The following RSBN1L variants were observed in gnomAD, a reference collection of about 807,000 sequenced individuals.
RSBN1L encodes the protein round spermatid basic protein 1 like.
Under a neutral mutation model 67.7 loss-of-function variants are expected in RSBN1L, and 30 were observed. The observed-to-expected ratio is 0.44, with a 90% CI of 0.33 to 0.60. The LOEUF (loss-of-function observed/expected upper bound fraction) is 0.60, where lower values mean the gene tolerates loss of function less well. RSBN1L is among the 20% of genes least tolerant of loss of function. The probability of loss-of-function intolerance (pLI) is 0.02; values close to 1 mark genes in which losing one functional copy is unlikely to be tolerated. For missense variants in RSBN1L, 992 were observed against 1,031.7 expected (o/e 0.96, Z 0.53); for synonymous variants, 433 against 387.0 (o/e 1.12, Z -1.39).
chr7:77,771,511 C>CTTTTT (rs10630112), intron 5 of RSBN1L, among the ~76,000 whole-genome samples: 39 of 136,114 alleles, frequency 2.9e-4, no homozygotes, highest in African/African-American at 1.1e-3. Context: ...CTCAGCGACT[C>CTTTTT]TTTTTTTTTT....
At chr7:77,764,003 G>A (rs1351674875) in intron 3 of RSBN1L, among the ~76,000 whole-genome samples, 1 of 152,170 alleles carries the variant, frequency 6.6e-6, no homozygotes, top group Non-Finnish European at 1.5e-5. Flanking sequence ...AAATGATTTT[G>A]TATGAAAACA....
At chr7:77,761,738 T>C (rs1791699741) in intron 3 of RSBN1L, among the ~76,000 whole-genome samples, 1 of 152,222 alleles carries the variant, frequency 6.6e-6, no homozygotes, top group African/African-American at 2.4e-5. Context: ...TGGTTACAAC[T>C]GATGGATTTG....
At chr7:77,705,510 G>GTTTTT (rs56187940) in intron 1 of RSBN1L, among the ~76,000 whole-genome samples, 3,963 of 111,346 alleles carry the variant, frequency 0.036, 256 homozygotes, top group African/African-American at 0.064. Context: ...CATTGTAATG[G>GTTTTT]TTTTTTTTTT....
intron 3 of RSBN1L, among the ~76,000 whole-genome samples, chr7:77,764,578 A>G (rs1791737890): frequency 6.6e-6 from 1 of 152,138 alleles, no homozygotes; most frequent in Non-Finnish European, 1.5e-5. Flanking sequence ...TAACTGGTAG[A>G]TAGCAAAGGC....
chr7:77,776,335 TCA>T (rs1791914157), intron 6 of RSBN1L, among the ~76,000 whole-genome samples: 1 of 152,232 alleles, frequency 6.6e-6, no homozygotes, highest in South Asian at 2.1e-4. Context: ...TTTAGTATAT[TCA>T]CAGAGTTATG....
intron 1 of RSBN1L, among the ~76,000 whole-genome samples, chr7:77,700,649 CTAAA>C (rs1397407184): frequency 6.6e-6 from 1 of 152,180 alleles, no homozygotes; most frequent in Non-Finnish European, 1.5e-5. Context: ...TATCATATGA[CTAAA>C]TATTTGTCTC....
intron 2 of RSBN1L, among the ~76,000 whole-genome samples, chr7:77,746,598 G>A (rs544731568): frequency 1.4e-3 from 215 of 152,244 alleles, no homozygotes; most frequent in Non-Finnish European, 2.1e-3. Flanking sequence ...GTCATGCCTT[G>A]CCAACAGTCC....
At chr7:77,751,092 G>A (rs547561245) in intron 3 of RSBN1L, among the ~76,000 whole-genome samples, 18 of 152,244 alleles carry the variant, frequency 1.2e-4, no homozygotes, top group African/African-American at 4.1e-4. Context: ...GCCCCCAATA[G>A]TATGAGTATG....
chr7:77,715,419 C>G (rs993483851), intron 1 of RSBN1L, among the ~76,000 whole-genome samples: 4 of 150,942 alleles, frequency 2.7e-5, no homozygotes, highest in Admixed American at 2.0e-4. Flanking sequence ...ATTCTTGTGC[C>G]TCAGCCTCCC....
At chr7:77,699,365 A>C (rs1790783618) in intron 1 of RSBN1L, among the ~76,000 whole-genome samples, 1 of 152,240 alleles carries the variant, frequency 6.6e-6, no homozygotes, top group Admixed American at 6.5e-5. Context: ...TAAACAATTA[A>C]GCTCCTGTAT....
chr7:77,697,013 G>C lies in RSBN1L; in HGVS notation c.544G>C (p.Ala182Pro). ...GLGGAREAGG[A>P]SREENGEVKP... Reference sequence around the variant, plus strand: ...CGGTGGGGCCCGAGAGGCCGGCGGGGCCTCCCGGGAGGAGAACGGGGAGGT... The same window carrying C: ...CGGTGGGGCCCGAGAGGCCGGCGGGCCCTCCCGGGAGGAGAACGGGGAGGT... Residue 182 changes from alanine to proline, a missense_variant, in exon 1 of 8, where the codon GCC becomes CCC. Coordinates refer to ENST00000334955, the MANE Select transcript of RSBN1L (RefSeq NM_198467.3). The C allele has an allele frequency of 6.5e-7, 1 of 1,528,664 alleles. No homozygotes were observed. 94.7% of individuals were successfully genotyped at this position (1,528,664 alleles called of 1,614,324 possible).
intron 1 of RSBN1L, among the ~76,000 whole-genome samples, chr7:77,714,684 C>T (rs544089679): frequency 4.6e-5 from 7 of 152,062 alleles, no homozygotes; most frequent in African/African-American, 1.2e-4. Context: ...AGTGGGTGGC[C>T]GGGCACGGTG....
intron 1 of RSBN1L, among the ~76,000 whole-genome samples, chr7:77,708,915 A>T (rs1790930607): frequency 6.6e-6 from 1 of 152,198 alleles, no homozygotes. Flanking sequence ...GAAATATATG[A>T]TAAAGCATCT....
intron 4 of RSBN1L, among the ~76,000 whole-genome samples, chr7:77,768,038 G>A (rs571127789): frequency 3.6e-4 from 54 of 150,658 alleles, no homozygotes; most frequent in Middle Eastern, 3.4e-3. Context: ...TTGTAGAGAC[G>A]GGGTTTCACC....
Position 77,742,180 on chromosome 7 carries a change from A to ATACACACACAC in RSBN1L, c.703+5654_703+5655insTACACACACAC, listed in dbSNP as rs60910312. On this transcript the variant is annotated intron_variant, in intron 2 of 7. Coordinates refer to ENST00000334955, the MANE Select transcript of RSBN1L (RefSeq NM_198467.3). ...ACCCATCTTTAAAAAAAAAAAAAAA[A>ATACACACACAC]ATACACACACACACACACACACACA... is the stretch of plus-strand genomic sequence containing the variant. Among the ~76,000 whole-genome samples the ATACACACACAC allele has an allele frequency of 4.1e-3, 339 of 82,154 alleles. 3 individuals carry two copies. The highest frequency in any genetic ancestry group is 0.017 in the South Asian group (37 of 2,170). 53.9% of individuals were successfully genotyped at this position (82,154 alleles called of 152,430 possible).
chr7:77,758,209 A>G (rs867334934), intron 3 of RSBN1L, among the ~76,000 whole-genome samples: 2 of 152,018 alleles, frequency 1.3e-5, no homozygotes, highest in South Asian at 4.1e-4. Flanking sequence ...TCCAGGATGG[A>G]GTGCAGTGGT....
chr7:77,749,768 C>G lies in RSBN1L; in HGVS notation c.1048C>G (p.His350Asp), dbSNP rs760296492. 3.1e-6 allele frequency: 5 copies of G among 1,614,030 alleles called. No homozygotes were observed. The highest frequency in any genetic ancestry group is 4.2e-6 in the Non-Finnish European group (5 of 1,180,012). Residue 350 changes from histidine (H) to aspartate (D), a missense_variant, in exon 3 of 8, where the codon CAT (histidine) becomes GAT (aspartate). Around this residue, in one of 7 missense-constraint regions of RSBN1L, gnomAD observed 575 missense variants for 483.2 expected, o/e 1.19. Transcript: ENST00000334955. Reference sequence around the variant, plus strand: ...CACTTTGGAATTTAAACAACTCATTCATATAGAGCACCAGCCTAATGGAGG... The same window carrying G: ...CACTTTGGAATTTAAACAACTCATTGATATAGAGCACCAGCCTAATGGAGG... ...LDTLEFKQLI[H>D]IEHQPNGGAS...
Position 77,749,626 on chromosome 7 carries a change from T to G in RSBN1L, c.906T>G (p.Asp302Glu), listed in dbSNP as rs1237238748. Residue 302 changes from aspartate to glutamate, a missense_variant, in exon 3 of 8, where the codon GAT (aspartate) becomes GAG (glutamate). Asp to Glu is a conservative substitution (Grantham distance 45). Around this residue, in one of 7 missense-constraint regions of RSBN1L, gnomAD observed 575 missense variants for 483.2 expected, o/e 1.19. Coordinates refer to ENST00000334955, the MANE Select transcript of RSBN1L (RefSeq NM_198467.3). The stretch of plus-strand genomic sequence containing the variant: ...GCATCCTAAATGATAACATAAAAGA[T>G]TACGTTGGGAAGAATTTGGATACCA... ...AKGILNDNIK[D>E]YVGKNLDTKN... 1.2e-6 allele frequency: 2 copies of G among 1,613,822 alleles called. No homozygotes were observed. Among genetic ancestry groups the G allele is most frequent in the African/African-American group, 2.7e-5 (2 of 74,864 alleles).
rs373486674 is a variant in RSBN1L at position 77,749,559 on chromosome 7, G to T, written c.839G>T (p.Cys280Phe). 3.7e-6 allele frequency: 6 copies of T among 1,613,904 alleles called. No homozygotes were observed. Among genetic ancestry groups the T allele is most frequent in the Non-Finnish European group, 5.1e-6 (6 of 1,179,984 alleles). Residue 280 changes from cysteine to phenylalanine, a missense_variant, in exon 3 of 8, where the codon TGC becomes TTC. By Grantham distance (205) the Cys-to-Phe change is radical (BLOSUM62 -2). Around this residue, in one of 7 missense-constraint regions of RSBN1L, gnomAD observed 575 missense variants for 483.2 expected, o/e 1.19. Transcript: ENST00000334955. ...TATAGCAAATCTATTCAGACCATCT[G>T]CTCAGGATTGCTAACTGATGTTGAA... ...KMYSKSIQTI[C>F]SGLLTDVEDQ...
Sources: gnomAD v4.1 joint callset for allele counts (sites outside exome capture counted in the v4.1 genomes callset) on GRCh38, gnomAD v4.1.1 for gene constraint, gnomAD v4.1.1 regional missense constraint, MANE v1.5 for transcripts, NCBI Gene and HGNC (gene_info 2026-07-23, HGNC 2026-07-21) for gene names.